The following ADAMTS18 variants were observed in gnomAD, a reference collection of about 807,000 sequenced individuals.
ADAMTS18 encodes ADAM metallopeptidase with thrombospondin type 1 motif 18, also known as A disintegrin and metalloproteinase with thrombospondin motifs 18.
Under a neutral mutation model 165.9 loss-of-function variants are expected in ADAMTS18, and 157 were observed. That is an observed-to-expected ratio of 0.95 (90% CI 0.83 to 1.08). ADAMTS18 has a LOEUF of 1.08. Ranked by LOEUF, ADAMTS18 falls within the 50% of genes least tolerant of loss-of-function variation. The pLI is 0.00. For missense variants in ADAMTS18, 2,040 were observed against 1,534.0 expected (o/e 1.33, Z -5.51); for synonymous variants, 782 against 578.2 (o/e 1.35, Z -5.06).
intron 3 of ADAMTS18, among the ~76,000 whole-genome samples, chr16:77,409,489 A>G (rs1055096601): frequency 1.6e-4 from 25 of 152,216 alleles, no homozygotes; most frequent in African/African-American, 5.3e-4. Flanking sequence ...GACAGGATAA[A>G]TAGTATCACA....
chr16:77,371,198 G>C (rs949580622), intron 3 of ADAMTS18, among the ~76,000 whole-genome samples: 1 of 151,630 alleles, frequency 6.6e-6, no homozygotes, highest in Admixed American at 6.6e-5. Flanking sequence ...CTGGGTGACA[G>C]AGCAAGACTC....
intron 12 of ADAMTS18, among the ~76,000 whole-genome samples, chr16:77,334,473 TTATAGTATATATTA>T: frequency 8.9e-6 from 1 of 112,308 alleles, no homozygotes; most frequent in African/African-American, 3.7e-5. Context: ...ATACTGTATA[TTATAGTATATATTA>T]TATAGTATAT....
chr16:77,341,903 C>A, intron 10 of ADAMTS18, 104 bp from the exon 11 acceptor site: 4 of 923,842 alleles, frequency 4.3e-6, no homozygotes, highest in Non-Finnish European at 6.7e-6. Context: ...TAGCTGAAAT[C>A]AGAGCAATTA....
chr16:77,376,531 C>T (rs1293671417), intron 3 of ADAMTS18, among the ~76,000 whole-genome samples: 2 of 152,242 alleles, frequency 1.3e-5, no homozygotes, highest in East Asian at 3.9e-4. Context: ...AAGAGTCAAG[C>T]CGAGGGAAAG....
Position 77,364,360 on chromosome 16 carries a change from T to C in ADAMTS18, c.800A>G (p.Glu267Gly). Residue 267 changes from glutamate to glycine, a missense_variant, in exon 5 of 23, where the codon GAG becomes GGG. Coordinates refer to ENST00000282849, the MANE Select transcript of ADAMTS18 (RefSeq NM_199355.4). ...RKKYAPKPPT[E>G]DTYLRFDEYG... Reference sequence around the variant, plus strand: ...TTCATCAAACCTTAGATAGGTGTCCTCTGTGGGAGGCTTGGGAGCATCTAC... The same window carrying C: ...TTCATCAAACCTTAGATAGGTGTCCCCTGTGGGAGGCTTGGGAGCATCTAC... The C allele has an allele frequency of 6.2e-7, 1 of 1,613,810 alleles. No homozygotes were observed. The highest frequency in any genetic ancestry group is 8.5e-7 in the Non-Finnish European group (1 of 1,179,994).
intron 16 of ADAMTS18, among the ~76,000 whole-genome samples, chr16:77,301,070 C>G (rs990429082): frequency 1.3e-5 from 2 of 152,146 alleles, no homozygotes; most frequent in African/African-American, 4.8e-5. Flanking sequence ...TGTTCAGAAT[C>G]AGCAATTGGA....
At chr16:77,301,192 A>C (rs1293934823) in intron 16 of ADAMTS18, among the ~76,000 whole-genome samples, 3 of 152,198 alleles carry the variant, frequency 2.0e-5, no homozygotes, top group African/African-American at 7.2e-5. Flanking sequence ...GGCACTTCCC[A>C]AGTGCCAAGC....
At chr16:77,426,905 T>C (rs570802750) in intron 3 of ADAMTS18, among the ~76,000 whole-genome samples, 1 of 152,118 alleles carries the variant, frequency 6.6e-6, no homozygotes, top group Non-Finnish European at 1.5e-5. Flanking sequence ...TCCCAGCTAC[T>C]TGGGGGGCTG....
intron 7 of ADAMTS18, among the ~76,000 whole-genome samples, chr16:77,361,864 A>G (rs2056719428): frequency 6.6e-6 from 1 of 151,090 alleles, no homozygotes; most frequent in African/African-American, 2.4e-5. Context: ...AGCCTGGGCA[A>G]CAAGAGTGAA....
In ADAMTS18 at chr16:77,314,787, A is replaced by ATATATATATATATATATATAT. The variant is rs1567474883; in HGVS notation, c.2532+5061_2532+5062insATATATATATATATATATATA. Among the ~76,000 whole-genome samples, 88 of 49,334 alleles carry ATATATATATATATATATATAT rather than the reference A, an allele frequency of 1.8e-3. 16 individuals are homozygous for ATATATATATATATATATATAT. Among genetic ancestry groups the ATATATATATATATATATATAT allele is most frequent in the African/African-American group, 5.4e-3 (69 of 12,840 alleles). The allele number at this position is 49,334 out of a possible 152,430, so 32.4% of individuals were successfully genotyped here. A position where few individuals can be genotyped will look rare whatever the true frequency, so the allele number is the denominator to read the frequency against. On this transcript the variant is annotated intron_variant, in intron 16 of 22. Transcript: ENST00000282849. ...ATATATATATATATATATATATATA[A>ATATATATATATATATATATAT]AATATATGTGATATGCTCAGAAGGC...
At chr16:77,398,910 A>C (rs1041062437) in intron 3 of ADAMTS18, among the ~76,000 whole-genome samples, 2 of 152,178 alleles carry the variant, frequency 1.3e-5, no homozygotes, top group African/African-American at 4.8e-5. Flanking sequence ...GGATGAGAAA[A>C]ACCGTCATAG....
chr16:77,292,571 C>G (rs964244675), intron 20 of ADAMTS18, among the ~76,000 whole-genome samples: 10 of 152,314 alleles, frequency 6.6e-5, no homozygotes, highest in South Asian at 6.2e-4. Flanking sequence ...AGCTTGAGCT[C>G]TCCCATAAAA....
At position 77,319,571 on chromosome 16, in the gene ADAMTS18, T is replaced by C. The variant is rs538628951; in HGVS notation, c.2532+278A>G. Among the ~76,000 whole-genome samples, 300 of 152,260 alleles carry C rather than the reference T, an allele frequency of 2.0e-3. 1 individual carries two copies. Among genetic ancestry groups the C allele is most frequent in the African/African-American group, 6.7e-3 (278 of 41,550 alleles). On this transcript the variant is annotated intron_variant, in intron 16 of 22. Transcript: ENST00000282849. ...ATTCTCCCGCCTCAGCCCCCACTAA[T>C]AGCTGGGATTACAGGCGCGTGCCAC...
At chr16:77,389,708 A>G (rs920560833) in intron 3 of ADAMTS18, among the ~76,000 whole-genome samples, 2 of 152,208 alleles carry the variant, frequency 1.3e-5, no homozygotes, top group Non-Finnish European at 2.9e-5. Flanking sequence ...CCTTCCTTAA[A>G]GAGGCTAAGG....
At chr16:77,400,772 C>T (rs1053709139) in intron 3 of ADAMTS18, among the ~76,000 whole-genome samples, 43 of 151,988 alleles carry the variant, frequency 2.8e-4, no homozygotes, top group African/African-American at 1.0e-3. Context: ...CCTGGCCTCT[C>T]TGTGGTTCTT....
intron 22 of ADAMTS18, among the ~76,000 whole-genome samples, chr16:77,287,077 G>GTCTTCTCTAGGGTCTAGTTTAA (rs1484643873): frequency 2.6e-5 from 4 of 152,094 alleles, no homozygotes; most frequent in Non-Finnish European, 4.4e-5. Context: ...GGGCAGAATG[G>GTCTTCTCTAGGGTCTAGTTTAA]TCTTCTCTAG....
At chr16:77,400,450 G>GTC (rs2057312126) in intron 3 of ADAMTS18, among the ~76,000 whole-genome samples, 1 of 84,676 alleles carries the variant, frequency 1.2e-5, no homozygotes, top group African/African-American at 4.0e-5. Flanking sequence ...GTGTGTGTGT[G>GTC]TGTGTCTGTG....
At chr16:77,427,328 T>C (rs901127983) in intron 3 of ADAMTS18, among the ~76,000 whole-genome samples, 4 of 152,212 alleles carry the variant, frequency 2.6e-5, no homozygotes, top group Non-Finnish European at 4.4e-5. Flanking sequence ...GGAAGAAACA[T>C]GCAAGTTTGT....
intron 9 of ADAMTS18, among the ~76,000 whole-genome samples, chr16:77,354,742 T>A (rs1050522882): frequency 1.3e-5 from 2 of 152,228 alleles, no homozygotes; most frequent in Non-Finnish European, 2.9e-5. Context: ...TCATAAAGCA[T>A]AATAAGCAAA....
Sources: allele counts gnomAD v4.1 joint callset (sites outside exome capture counted in the v4.1 genomes callset), GRCh38; gene constraint gnomAD v4.1.1; transcripts MANE v1.5; gene names NCBI Gene and HGNC (gene_info 2026-07-23, HGNC 2026-07-21).